The following PDZD2 variants were observed in gnomAD, a reference collection of about 807,000 sequenced individuals.
PDZD2 encodes the protein PDZ domain-containing protein 2.
In PDZD2, 90 loss-of-function variants were observed where a neutral mutation model predicts 220.7. That is an observed-to-expected ratio of 0.41 (90% confidence interval 0.34 to 0.49). The LOEUF is 0.49. Among genes scored for constraint, PDZD2 ranks in the 20% least tolerant of loss-of-function variants. The pLI is 0.28. For synonymous variants in PDZD2, 1,375 were observed against 1,450.5 expected, an observed-to-expected ratio of 0.95 and a Z score of 1.18; for missense variants, 3,174 against 3,608.5, an observed-to-expected ratio of 0.88 and a Z score of 3.08.
intron 2 of PDZD2, among the ~76,000 whole-genome samples, chr5:31,907,486 A>G (rs1372436367): frequency 6.6e-6 from 1 of 152,220 alleles, no homozygotes; most frequent in Non-Finnish European, 1.5e-5. Flanking sequence ...AGTTCATAGT[A>G]TTAGTCATAA....
At position 31,797,269 on chromosome 5, in the gene PDZD2, G is replaced by A. The variant is rs373670864; in HGVS notation, c.-360-1620G>A. On this transcript the variant is annotated intron_variant, in intron 1 of 24. Transcript: ENST00000438447. Reference sequence around the variant, plus strand: ...GATATTTACTGTTTTTATATGTATGGAGCCATCTCAACTGTGACTAACATC... The same window carrying A: ...GATATTTACTGTTTTTATATGTATGAAGCCATCTCAACTGTGACTAACATC... Among the ~76,000 whole-genome samples the A allele has an allele frequency of 1.5e-4, 22 of 150,794 alleles. No homozygotes were observed. The South Asian group carries it at 1.9e-3, about 13-fold the overall frequency.
rs146428690 is a variant in PDZD2 at position 31,809,716 on chromosome 5, G to A, written c.476+9992G>A. Among the ~76,000 whole-genome samples the A allele has an allele frequency of 8.3e-3, 1,264 of 152,308 alleles. 16 individuals carry two copies. The highest frequency in any genetic ancestry group is 0.011 in the Non-Finnish European group (745 of 68,034). ...AAACTTGGCCACACCCTCCGTCGCA[G>A]CCCACAGATCATTGTTGAAAGCCAC... On this transcript the variant is annotated intron_variant, in intron 2 of 24. Transcript: ENST00000438447.
chr5:31,949,977 C>T (rs554132602), intron 2 of PDZD2, among the ~76,000 whole-genome samples: 3 of 152,000 alleles, frequency 2.0e-5, no homozygotes, highest in South Asian at 4.2e-4. Context: ...CCACCATGCC[C>T]GGCTGCCATT....
chr5:32,087,793 A>G lies in PDZD2; in HGVS notation c.4345A>G (p.Ser1449Gly), dbSNP rs1238764094. ...ARSPSSQTGD[S>G]GSQEGSAQGH... ...GTCTCCGTCTTCCCAGACGGGGGAC[A>G]GTGGCTCTCAGGAGGGCAGTGCTCA... The change falls in exon 20 of 25, where the codon AGT becomes GGT. Residue 1449 changes from serine to glycine, a missense_variant. Around this residue, in one of 4 missense-constraint regions of PDZD2, gnomAD observed 1,861 missense variants for 2,001.0 expected, o/e 0.93. Transcript: ENST00000438447. This position sits in a 1 kb window ranked among gnomAD's most constrained non-coding sequence, Gnocchi z 4.0. 4.3e-6 allele frequency: 7 copies of G among 1,613,558 alleles called. No homozygotes were observed. The Admixed American group carries it at 6.7e-5, about 15-fold the overall frequency.
In PDZD2 at chr5:31,923,337, G is replaced by A. The variant is rs533171761; in HGVS notation, c.477-59818G>A. 6.3e-4 allele frequency: 520 copies of A among 831,912 alleles called. 1 individual carries two copies. In the African/African-American group the frequency reaches 8.3e-3, roughly 13 times the overall value. The allele number at this position is 831,912 out of a possible 1,614,324, so 51.5% of individuals were successfully genotyped here. A position where few individuals can be genotyped will look rare whatever the true frequency, so the allele number is the denominator to read the frequency against. On this transcript the variant is annotated intron_variant, in intron 2 of 24. Coordinates refer to ENST00000438447, the MANE Select transcript of PDZD2 (RefSeq NM_178140.4). ...TTCCCGATGCGGTGGTTGCTGTAAGGGGTCCTCCCTGTGCCACACGGCCAT... is the reference window on the plus strand; with the variant it reads ...TTCCCGATGCGGTGGTTGCTGTAAGAGGTCCTCCCTGTGCCACACGGCCAT...
chr5:31,807,607 A>G (rs928928909), intron 2 of PDZD2, among the ~76,000 whole-genome samples: 33 of 152,192 alleles, frequency 2.2e-4, no homozygotes, highest in Non-Finnish European at 4.4e-5. Flanking sequence ...ACAAAGAATA[A>G]TCTTTGGTCC....
chr5:31,645,375 C>T (rs1010536681), intron 1 of PDZD2, among the ~76,000 whole-genome samples: 2 of 144,924 alleles, frequency 1.4e-5, no homozygotes, highest in African/African-American at 5.2e-5. Context: ...CTTGCTCTGT[C>T]GCCCTGCCTG....
chr5:31,644,674 C>G (rs1237786571), intron 1 of PDZD2, among the ~76,000 whole-genome samples: 1 of 152,194 alleles, frequency 6.6e-6, no homozygotes. Context: ...GGCCAGCAAA[C>G]AGTCTCCATT....
intron 1 of PDZD2, among the ~76,000 whole-genome samples, chr5:31,789,956 A>G (rs1753605016): frequency 6.6e-6 from 1 of 152,146 alleles, no homozygotes; most frequent in Admixed American, 6.6e-5. Context: ...AAAAGAAGAG[A>G]TGGAAAATAT....
At chr5:32,075,310 A>C (rs1478180501) in intron 18 of PDZD2, among the ~76,000 whole-genome samples, 1 of 152,190 alleles carries the variant, frequency 6.6e-6, no homozygotes, top group East Asian at 1.9e-4. Flanking sequence ...AACTTGGGCA[A>C]GTTATTAAAC....
chr5:31,733,749 AGCTATCGCCGT>A (rs1749674279), intron 1 of PDZD2, among the ~76,000 whole-genome samples: 1 of 152,208 alleles, frequency 6.6e-6, no homozygotes, highest in Non-Finnish European at 1.5e-5. Flanking sequence ...CTGTGTTGAG[AGCTATCGCCGT>A]TCCTGTAATG....
chr5:31,899,819 T>G (rs1741917725), intron 2 of PDZD2, among the ~76,000 whole-genome samples: 1 of 152,166 alleles, frequency 6.6e-6, no homozygotes, highest in South Asian at 2.1e-4. Flanking sequence ...CATTTGCCCC[T>G]TCTACCATGT....
chr5:32,082,425 C>T (rs907397528), intron 19 of PDZD2, among the ~76,000 whole-genome samples: 82 of 152,012 alleles, frequency 5.4e-4, no homozygotes, highest in African/African-American at 1.6e-3. Flanking sequence ...GTACACTGCA[C>T]GGTGGTTAAG....
chr5:31,856,040 T>C (rs1758416488), intron 2 of PDZD2, among the ~76,000 whole-genome samples: 1 of 152,208 alleles, frequency 6.6e-6, no homozygotes, highest in South Asian at 2.1e-4. Flanking sequence ...GAGTTTGGTA[T>C]CATAAGGGGA....
At chr5:31,976,193 G>C (rs1190199948) in intron 2 of PDZD2, among the ~76,000 whole-genome samples, 1 of 152,120 alleles carries the variant, frequency 6.6e-6, no homozygotes, top group African/African-American at 2.4e-5. Context: ...TTATGGAGCT[G>C]TCCAAACTTG....
chr5:32,052,615 A>G lies in PDZD2; in HGVS notation c.1670A>G (p.Tyr557Cys), dbSNP rs1041336731. ...TTGCCGTGTGCTGACTTTTAGGAAT[A>G]CCACATTGTGAAGAAGTCTACCCGC... ...LLDSSSASQEYHIVKKSTRSL... is the reference protein window; with the variant it reads ...LLDSSSASQECHIVKKSTRSL... Residue 557 changes from tyrosine to cysteine, a missense_variant, in exon 9 of 25, where the codon TAC becomes TGC. Tyr to Cys is a radical substitution (Grantham distance 194, BLOSUM62 -2). This residue lies in a region of PDZD2 where 632 missense variants were observed against 708.1 expected (regional missense o/e 0.89). Transcript: ENST00000438447. 3.7e-6 allele frequency: 6 copies of G among 1,613,640 alleles called. No homozygotes were observed. The African/African-American group carries it at 8.0e-5, about 22-fold the overall frequency.
intron 1 of PDZD2, among the ~76,000 whole-genome samples, chr5:31,707,348 A>C (rs1747880021): frequency 6.6e-6 from 1 of 152,042 alleles, no homozygotes; most frequent in Non-Finnish European, 1.5e-5. Flanking sequence ...AAAATAAAAA[A>C]GGACTGGTGT....
At chr5:31,854,917 G>T (rs556321437) in intron 2 of PDZD2, 10 of 948,198 alleles carry the variant, frequency 1.1e-5, no homozygotes, top group African/African-American at 5.4e-5. Flanking sequence ...GAGGGAGGAG[G>T]GGGGGGTCCT....
rs756249617 is a variant in PDZD2, at chr5:32,061,032, C to T, written c.2349C>T (p.Ser783=). The T allele has an allele frequency of 1.2e-6, 2 of 1,614,126 alleles. No homozygotes were observed. The highest frequency in any genetic ancestry group is 1.7e-6 in the Non-Finnish European group (2 of 1,179,972). ...GGGATCAAATCCTGGAAGTGAACTC[C>T]GTCAACGTCCGCCATGCTGCTTTAA... The part of the protein sequence containing the change: ...SRGDQILEVN[S]VNVRHAALSK... Residue 783 remains serine (S), a synonymous_variant, in exon 14 of 25, where the codon TCC becomes TCT. Coordinates refer to ENST00000438447, the MANE Select transcript of PDZD2 (RefSeq NM_178140.4).
Sources: allele counts gnomAD v4.1 joint callset (sites outside exome capture counted in the v4.1 genomes callset), GRCh38; gene constraint gnomAD v4.1.1; regional missense constraint gnomAD v4.1.1; non-coding constraint Gnocchi (gnomAD v3.1); transcripts MANE v1.5; gene names NCBI Gene and HGNC (gene_info 2026-07-23, HGNC 2026-07-21).